Variants in AP5Z1 observed in about 807,000 individuals in gnomAD.
AP5Z1 encodes the protein adaptor related protein complex 5 subunit zeta 1.
AP5Z1 carries 106 observed loss-of-function variants against 83.0 expected under a neutral mutation model. That is an observed-to-expected ratio of 1.28 (90% confidence interval 1.09 to 1.50). The LOEUF (loss-of-function observed/expected upper bound fraction) is 1.50. Among genes scored for constraint, AP5Z1 ranks in the 40% most tolerant of loss-of-function variants. AP5Z1 has a pLI of 0.00. For missense variants in AP5Z1, 1,565 were observed against 1,094.2 expected, an observed-to-expected ratio of 1.43 and a Z score of -6.07; for synonymous variants, 751 against 514.1, an observed-to-expected ratio of 1.46 and a Z score of -6.23.
At position 4,783,844 on chromosome 7, in the gene AP5Z1, C is replaced by G. The variant is rs1396480688; in HGVS notation, c.621+46C>G. 6 of 1,516,848 alleles carry G rather than the reference C, an allele frequency of 4.0e-6. No individual in the cohort carries two copies. In the South Asian group the frequency reaches 6.0e-5, roughly 15 times the overall value. The allele number at this position is 1,516,848 out of a possible 1,614,324, so 94.0% of individuals were successfully genotyped here. On this transcript the variant is annotated intron_variant, in intron 5 of 16. Transcript: ENST00000649063. ...GAACCATGGGGAACAGAGTCACAGA[C>G]AACCCCTCCCTGAGAGCTCCTGTGC...
Position 4,785,466 on chromosome 7 carries a change from G to T in AP5Z1, c.969+14G>T. 4.3e-6 allele frequency: 7 copies of T among 1,613,222 alleles called. No individual in the cohort carries two copies. The highest frequency in any genetic ancestry group is 1.1e-5 in the South Asian group (1 of 91,030). Reference sequence around the variant, plus strand: ...CTGCAGAAAGCTGTAAGTGGCTGGGGACCAGGGGATGGGAGGCAGCGACTC... The same window carrying T: ...CTGCAGAAAGCTGTAAGTGGCTGGGTACCAGGGGATGGGAGGCAGCGACTC... On this transcript the variant is annotated intron_variant, in intron 8 of 16. Coordinates refer to ENST00000649063, the MANE Select transcript of AP5Z1 (RefSeq NM_014855.3).
intron 1 of AP5Z1, 29 bp downstream of exon 1, chr7:4,775,785 C>T (rs1308244357): frequency 6.3e-7 from 1 of 1,599,496 alleles, no homozygotes; most frequent in Non-Finnish European, 8.5e-7. Flanking sequence ...CCCGGCCCTC[C>T]TTCCTGCATC....
Position 4,786,431 on chromosome 7 carries a change from A to T in AP5Z1, c.1311+3A>T, listed in dbSNP as rs1320349056. The T allele has an allele frequency of 6.2e-7, 1 of 1,613,354 alleles. No homozygotes were observed. Among genetic ancestry groups the T allele is most frequent in the Non-Finnish European group, 8.5e-7 (1 of 1,179,722 alleles). ...TGAGCTTCCCCAACCTCTTTAAGGTATATTTGGGCATCCCTGGGTGCCAGG... is the reference window on the plus strand; with the variant it reads ...TGAGCTTCCCCAACCTCTTTAAGGTTTATTTGGGCATCCCTGGGTGCCAGG... On this transcript the variant is annotated splice_donor_region_variant and intron_variant, in intron 10 of 16. Coordinates refer to ENST00000649063, the MANE Select transcript of AP5Z1 (RefSeq NM_014855.3).
rs1435465158 is a variant in AP5Z1 at position 4,790,422 on chromosome 7, C to T, written c.1806-37C>T. On this transcript the variant is annotated intron_variant, in intron 14 of 16. Transcript: ENST00000649063. ...CCTGGATGGGGATGGGGTCATAGGT[C>T]TGCACAGAGCAGGCGTAGACCCGGC... The T allele has an allele frequency of 5.6e-6, 9 of 1,612,396 alleles. No homozygotes were observed. The African/African-American group carries it at 1.1e-4, about 19-fold the overall frequency.
At chr7:4,787,513 A>C in intron 10 of AP5Z1, 121 bp from the exon 11 acceptor site, 1 of 1,380,034 alleles carries the variant, frequency 7.2e-7, no homozygotes, top group East Asian at 2.6e-5. Context: ...GAGGAGGCAA[A>C]GGTAGAAGCC....
Position 4,790,480 on chromosome 7 carries a change from G to A in AP5Z1, c.1827G>A (p.Leu609=), listed in dbSNP as rs1490597021. The change falls in exon 15 of 17, where the codon CTG becomes CTA. Residue 609 remains leucine, a synonymous_variant. Transcript: ENST00000649063. ...GCAGTGTGCTGAGTTCTCAGTTCCT[G>A]GCCCTGTGTACGCTGAAACCCTCCC... is the stretch of plus-strand genomic sequence containing the variant. ...GVHSVLSSQF[L]ALCTLKPSLV... The A allele has an allele frequency of 1.9e-6, 3 of 1,613,188 alleles. No individual in the cohort carries two copies. Among genetic ancestry groups the A allele is most frequent in the South Asian group, 2.2e-5 (2 of 91,086 alleles).
chr7:4,776,290 C>G (rs538354914), intron 1 of AP5Z1, among the ~76,000 whole-genome samples: 3 of 151,614 alleles, frequency 2.0e-5, no homozygotes, highest in African/African-American at 7.3e-5. Flanking sequence ...CAGGCTGTGT[C>G]TGGACTCCCA....
Position 4,782,785 on chromosome 7 carries a change from A to G in AP5Z1, c.367-531A>G, listed in dbSNP as rs112246537. 1.4e-3 allele frequency among the ~76,000 whole-genome samples: 219 copies of G among 151,446 alleles called. 1 individual carries two copies. The highest frequency in any genetic ancestry group is 4.8e-3 in the African/African-American group (200 of 41,240). ...ACCCGCCCTTCTCCTCAAGCAACTC[A>G]TTTTTTTCAGTGGAAGATGATCTTG... On this transcript the variant is annotated intron_variant, in intron 3 of 16. Transcript: ENST00000649063.
Position 4,787,759 on chromosome 7 carries a change from G to T in AP5Z1, c.1437G>T (p.Val479=), listed in dbSNP as rs1038245729. The T allele has an allele frequency of 7.1e-6, 11 of 1,538,966 alleles. No individual in the cohort carries two copies. The African/African-American group carries it at 1.5e-4, about 21-fold the overall frequency. Residue 479 remains valine (V), a synonymous_variant, in exon 11 of 17, where the codon GTG becomes GTT. Transcript: ENST00000649063. ...TGGACCTGCCCTGCTTGACGGCGGT[G>T]CTGGACCTGCAGCTCAGGTGGGCCC... ...ALLDLPCLTA[V]LDLQLRSAPA... is the part of the protein sequence containing the mutation.
In AP5Z1 at chr7:4,788,290, G is replaced by A. The variant is rs1346945818; in HGVS notation, c.1591G>A (p.Glu531Lys). The A allele has an allele frequency of 6.3e-7, 1 of 1,589,880 alleles. No individual in the cohort carries two copies. The highest frequency in any genetic ancestry group is 1.8e-5 in the Admixed American group (1 of 56,876). ...LLRPKASGATERLAPLHQLLQ... is the reference protein window; with the variant it reads ...LLRPKASGATKRLAPLHQLLQ... ...GCGCCCCAAGGCCAGTGGCGCCACT[G>A]AGAGGTACGGGGCCCTAGGGCCAGG... is the stretch of plus-strand genomic sequence containing the variant. Residue 531 changes from glutamate to lysine, a missense_variant, in exon 12 of 17, where the codon GAG (glutamate) becomes AAG (lysine). Glu to Lys is a moderately conservative substitution (Grantham distance 56). Coordinates refer to ENST00000649063, the MANE Select transcript of AP5Z1 (RefSeq NM_014855.3).
chr7:4,790,706 T>C lies in AP5Z1; in HGVS notation c.1972T>C (p.Tyr658His). 3 of 1,611,394 alleles carry C rather than the reference T, an allele frequency of 1.9e-6. No homozygotes were observed. The highest frequency in any genetic ancestry group is 1.7e-6 in the Non-Finnish European group (2 of 1,179,534). ...CATCGGCGAGTACCTGTCGGTGACC[T>C]ACGATCGGAGGTGCACCGTGGAGCA... ...WAIGEYLSVT[Y>H]DRRCTVEQIN... Residue 658 changes from tyrosine to histidine, a missense_variant, in exon 16 of 17, where the codon TAC becomes CAC. By Grantham distance (83) the Tyr-to-His change is moderately conservative (BLOSUM62 2). Coordinates refer to ENST00000649063, the MANE Select transcript of AP5Z1 (RefSeq NM_014855.3).
intron 9 of AP5Z1, among the ~76,000 whole-genome samples, 183 bp from the exon 10 acceptor site, chr7:4,786,067 C>T (rs768558624): frequency 3.3e-5 from 5 of 152,246 alleles, no homozygotes; most frequent in African/African-American, 7.2e-5. Flanking sequence ...GTGTGACTCA[C>T]GAGCTGTCCG....
At chr7:4,779,990 A>AG (rs1781337433) in intron 1 of AP5Z1, among the ~76,000 whole-genome samples, 1 of 151,934 alleles carries the variant, frequency 6.6e-6, no homozygotes, top group South Asian at 2.1e-4. Context: ...TGTTTTGCCC[A>AG]GGATGGTCTC....
chr7:4,789,406 C>T (rs1295436412), intron 13 of AP5Z1, among the ~76,000 whole-genome samples: 4 of 152,102 alleles, frequency 2.6e-5, no homozygotes, highest in African/African-American at 4.8e-5. Context: ...CATCTGAGGC[C>T]AAAATAAAGG....
intron 11 of AP5Z1, 24 bp downstream of exon 11, chr7:4,787,800 C>G (rs191109666): frequency 6.6e-7 from 1 of 1,511,554 alleles, no homozygotes; most frequent in Non-Finnish European, 8.9e-7. Context: ...CCTCTGCCAG[C>G]GCTGCGTCTC....
At chr7:4,781,123 TGG>T in intron 1 of AP5Z1, 50 bp from the exon 2 acceptor site, 20 of 1,587,366 alleles carry the variant, frequency 1.3e-5, no homozygotes, top group Admixed American at 1.2e-4. Context: ...ATCCTTTTTT[TGG>T]TTCCGAGCAG....
At chr7:4,789,111 CCCCGGCAGG>C in intron 13 of AP5Z1, 160 bp downstream of exon 13, 1 of 615,558 alleles carries the variant, frequency 1.6e-6, no homozygotes, top group East Asian at 2.9e-5. Context: ...CATGCCACAG[CCCCGGCAGG>C]CCCCGTCCCT....
In AP5Z1 at chr7:4,790,903, G is replaced by C; in HGVS notation, c.2153+16G>C. 1 of 1,582,222 alleles carries C rather than the reference G, an allele frequency of 6.3e-7. No individual in the cohort carries two copies. The highest frequency in any genetic ancestry group is 8.6e-7 in the Non-Finnish European group (1 of 1,164,910). On this transcript the variant is annotated intron_variant, in intron 16 of 16. Transcript: ENST00000649063. ...TGATCCCCAGGTGCCTGGTCAGGGAGGGAGCGAAGCCTTCTGGCTCCTGGG... is the reference window on the plus strand; with the variant it reads ...TGATCCCCAGGTGCCTGGTCAGGGACGGAGCGAAGCCTTCTGGCTCCTGGG...
intron 9 of AP5Z1, 29 bp from the exon 10 acceptor site, chr7:4,786,221 G>A (rs966114566): frequency 1.7e-5 from 27 of 1,572,180 alleles, no homozygotes; most frequent in Non-Finnish European, 2.2e-5. Context: ...AGGTCAAGAC[G>A]TGTGCCCTGG....
Sources: allele counts gnomAD v4.1 joint callset (sites outside exome capture counted in the v4.1 genomes callset), GRCh38; gene constraint gnomAD v4.1.1; transcripts MANE v1.5; gene names NCBI Gene and HGNC (gene_info 2026-07-23, HGNC 2026-07-21).